CPLX2: variants seen among roughly 807,000 people sequenced by gnomAD.
CPLX2 encodes complexin-2.
CPLX2 carries 5 observed loss-of-function variants against 16.3 expected under a neutral mutation model. That is an observed-to-expected ratio of 0.31 (90% CI 0.16 to 0.64). The LOEUF is 0.64. CPLX2 is among the 30% of genes least tolerant of loss of function. The probability of loss-of-function intolerance (pLI) is 0.79; values close to 1 mark genes in which losing one functional copy is unlikely to be tolerated. For synonymous variants in CPLX2, 89 were observed against 73.2 expected (o/e 1.22, Z -1.10); for missense variants, 144 against 181.4 (o/e 0.79, Z 1.18).
intron 2 of CPLX2, among the ~76,000 whole-genome samples, chr5:175,851,837 G>A (rs536878891): frequency 2.0e-4 from 30 of 152,232 alleles, no homozygotes; most frequent in Non-Finnish European, 4.0e-4. Context: ...CTTTGGTCCT[G>A]GCTTGAGTGT....
intron 2 of CPLX2, among the ~76,000 whole-genome samples, chr5:175,851,570 C>G (rs1759155328): frequency 2.0e-5 from 3 of 152,214 alleles, no homozygotes; most frequent in Non-Finnish European, 4.4e-5. Flanking sequence ...ACTGTGGGGT[C>G]CTCTGCAAGG....
chr5:175,878,904 G>A lies in CPLX2; in HGVS notation c.32-4G>A, dbSNP rs762728266. ...GCCCTCTCCTTCCCACCCCTTCCTC[G>A]TAGGGGCCACAAAGGACATGGGGAA... On this transcript the variant is annotated splice_region_variant and splice_polypyrimidine_tract_variant and intron_variant, in intron 2 of 3. Coordinates refer to ENST00000393745, the MANE Select transcript of CPLX2 (RefSeq NM_001008220.2). The A allele has an allele frequency of 8.1e-6, 13 of 1,611,252 alleles. No homozygotes were observed. In the Admixed American group the frequency reaches 1.0e-4, roughly 12 times the overall value.
Position 175,878,720 on chromosome 5 carries a change from C to A in CPLX2, c.-20C>A. The stretch of plus-strand genomic sequence containing the variant: ...GCAAATTCTGCCGTGGGCTAAGGCA[C>A]GCTAACCAGAGCCGGCGGCATGGAC... On this transcript the variant is annotated 5_prime_UTR_variant, in exon 2 of 4. Transcript: ENST00000393745. 1 of 1,612,680 alleles carries A rather than the reference C, an allele frequency of 6.2e-7. No individual in the cohort carries two copies. The highest frequency in any genetic ancestry group is 2.2e-5 in the East Asian group (1 of 44,832).
At chr5:175,804,233 C>G (rs937774473) in intron 1 of CPLX2, among the ~76,000 whole-genome samples, 1 of 152,198 alleles carries the variant, frequency 6.6e-6, no homozygotes, top group African/African-American at 2.4e-5. Flanking sequence ...ATTTGCTTAA[C>G]TGCAGGGACA....
chr5:175,850,179 T>G (rs527849128), intron 2 of CPLX2, among the ~76,000 whole-genome samples: 1 of 151,992 alleles, frequency 6.6e-6, no homozygotes, highest in Admixed American at 6.5e-5. Context: ...AAATTAGGGT[T>G]GATTCAAAGA....
At chr5:175,800,870 G>A (rs1758080649) in intron 1 of CPLX2, among the ~76,000 whole-genome samples, 1 of 152,244 alleles carries the variant, frequency 6.6e-6, no homozygotes, top group Admixed American at 6.5e-5. Context: ...GAGAAGGCCT[G>A]TGTGAACTAG....
rs985452463 is a variant in CPLX2, at chr5:175,809,929, G to A, written c.-89+861G>A. Among the ~76,000 whole-genome samples the A allele has an allele frequency of 5.9e-5, 9 of 152,316 alleles. No homozygotes were observed. Among genetic ancestry groups the A allele is most frequent in the South Asian group, 2.1e-4 (1 of 4,824 alleles). On this transcript the variant is annotated intron_variant, in intron 2 of 4. Transcript: ENST00000359546. The surrounding 1 kb of genome is among the most constrained non-coding windows in gnomAD (Gnocchi z 4.4). ...GAGAGTGTATGTGGATATAGAGATC[G>A]CTCGATCGCTATAGATATCGTTGCT... is the stretch of plus-strand genomic sequence containing the variant.
chr5:175,867,867 A>C (rs897310293), upstream of CPLX2, among the ~76,000 whole-genome samples: 1 of 152,204 alleles, frequency 6.6e-6, no homozygotes, highest in Non-Finnish European at 1.5e-5. Context: ...ATTCCATGTT[A>C]AAGGAGGTAC....
At chr5:175,829,777 A>G (rs938283597) in intron 2 of CPLX2, among the ~76,000 whole-genome samples, 1 of 152,222 alleles carries the variant, frequency 6.6e-6, no homozygotes, top group Non-Finnish European at 1.5e-5. Context: ...AAGATCACAC[A>G]GTTAGGAAGA....
At chr5:175,826,087 G>A (rs1002935002) in intron 2 of CPLX2, among the ~76,000 whole-genome samples, 5 of 152,042 alleles carry the variant, frequency 3.3e-5, no homozygotes, top group African/African-American at 1.2e-4. Flanking sequence ...GACAGGGTGG[G>A]AGCACTGACT....
chr5:175,818,492 T>C (rs1475686749), intron 2 of CPLX2, among the ~76,000 whole-genome samples: 1 of 152,058 alleles, frequency 6.6e-6, no homozygotes, highest in African/African-American at 2.4e-5. Context: ...CCTATGTTCA[T>C]AAAGTTCTCC....
At chr5:175,825,983 T>C (rs984677473) in intron 2 of CPLX2, among the ~76,000 whole-genome samples, 6 of 115,664 alleles carry the variant, frequency 5.2e-5, no homozygotes, top group Non-Finnish European at 1.1e-4. Context: ...GGTGGGGCAC[T>C]AAGCAATTTC....
upstream of CPLX2, among the ~76,000 whole-genome samples, chr5:175,867,597 A>G (rs559380214): frequency 6.6e-6 from 1 of 151,882 alleles, no homozygotes; most frequent in South Asian, 2.1e-4. Flanking sequence ...GACTTATTCT[A>G]CTCTAATAAC....
At position 175,881,024 on chromosome 5, in the gene CPLX2, C is replaced by T. The variant is rs1755580277; in HGVS notation, c.*979C>T. The T allele has an allele frequency of 1.3e-5, 2 of 152,868 alleles. No individual in the cohort carries two copies. The highest frequency in any genetic ancestry group is 4.1e-4 in the South Asian group (2 of 4,832). The allele number at this position is 152,868 out of a possible 1,614,324, so 9.5% of individuals were successfully genotyped here. On this transcript the variant is annotated 3_prime_UTR_variant, in exon 4 of 4. Transcript: ENST00000393745. ...AAGCCTTTGGTGAGAAGCCAATTCC[C>T]ACTTGACAGAAGGCGTCCATCCATT...
chr5:175,806,021 T>G (rs1758192714), intron 1 of CPLX2, among the ~76,000 whole-genome samples: 1 of 152,164 alleles, frequency 6.6e-6, no homozygotes, highest in South Asian at 2.1e-4. Context: ...CACAGCCTGT[T>G]AAGAGCACCC....
intron 2 of CPLX2, among the ~76,000 whole-genome samples, chr5:175,860,497 GA>G (rs59334477): frequency 0.033 from 1,825 of 54,620 alleles, 30 homozygotes; most frequent in African/African-American, 0.11. Flanking sequence ...AAGAAAGAAA[GA>G]AAAGAAAGAA....
intron 1 of CPLX2, among the ~76,000 whole-genome samples, chr5:175,877,521 G>A (rs1755427821): frequency 6.6e-6 from 1 of 152,158 alleles, no homozygotes; most frequent in Non-Finnish European, 1.5e-5. Context: ...AAAGGCCTTG[G>A]GGAGCAGGCC....
At chr5:175,843,098 G>T (rs145443088) in intron 2 of CPLX2, among the ~76,000 whole-genome samples, 1 of 152,310 alleles carries the variant, frequency 6.6e-6, no homozygotes, top group Non-Finnish European at 1.5e-5. Flanking sequence ...GCCAGTCAGG[G>T]TCAGCGGGTA....
At position 175,880,173 on chromosome 5, in the gene CPLX2, C is replaced by A; in HGVS notation, c.*128C>A. On this transcript the variant is annotated 3_prime_UTR_variant, in exon 4 of 4. Transcript: ENST00000393745. ...GTTGGCCTCTGCCCCTCTTCCCTGGCCAGGGGCTTCTCCCCCTCAGCTCTC... is the reference window on the plus strand; with the variant it reads ...GTTGGCCTCTGCCCCTCTTCCCTGGACAGGGGCTTCTCCCCCTCAGCTCTC... 1.0e-6 allele frequency: 1 copy of A among 975,456 alleles called. No homozygotes were observed. Among genetic ancestry groups the A allele is most frequent in the Non-Finnish European group, 1.6e-6 (1 of 621,828 alleles). 60.4% of individuals were successfully genotyped at this position (975,456 alleles called of 1,614,324 possible).
Sources: gnomAD v4.1 joint callset for allele counts (sites outside exome capture counted in the v4.1 genomes callset) on GRCh38, gnomAD v4.1.1 for gene constraint, Gnocchi (gnomAD v3.1) non-coding constraint, MANE v1.5 for transcripts, NCBI Gene and HGNC (gene_info 2026-07-23, HGNC 2026-07-21) for gene names.